RGS22: variants seen among roughly 807,000 people sequenced by gnomAD.
RGS22 encodes regulator of G-protein signaling 22.
RGS22 carries 148 observed loss-of-function variants against 172.9 expected under a neutral mutation model. That is an observed-to-expected ratio of 0.86 (90% CI 0.75 to 0.98). The LOEUF (loss-of-function observed/expected upper bound fraction) is 0.98, where lower values mean the gene tolerates loss of function less well. Among genes scored for constraint, RGS22 ranks in the 50% least tolerant of loss-of-function variants. The pLI is 0.00. For synonymous variants in RGS22, 458 were observed against 480.2 expected (o/e 0.95, Z 0.60); for missense variants, 1,347 against 1,440.8 (o/e 0.93, Z 1.05).
intron 6 of RGS22, among the ~76,000 whole-genome samples, chr8:100,069,918 C>T (rs938085465): frequency 1.3e-5 from 2 of 150,508 alleles, no homozygotes; most frequent in Non-Finnish European, 2.9e-5. Flanking sequence ...ATCCCAGCTA[C>T]TCGGAAGGCT....
intron 1 of RGS22, 175 bp downstream of exon 1, chr8:100,105,722 G>C (rs537398326): frequency 1.7e-6 from 1 of 574,866 alleles, no homozygotes; most frequent in African/African-American, 2.0e-5. Flanking sequence ...AGCATAAACC[G>C]GCGAGGACGT....
chr8:100,051,366 A>G (rs1316895592), intron 10 of RGS22, among the ~76,000 whole-genome samples: 2 of 141,332 alleles, frequency 1.4e-5, no homozygotes, highest in Admixed American at 7.6e-5. Context: ...AATTTTCAGA[A>G]GATGAGTGAC....
rs937179609 is a variant in RGS22 at position 99,987,066 on chromosome 8, T to C, written c.3180+392A>G. ...GTGTTTTAGATTTTGGATTCTTTTT[T>C]GGTTTTGGAATATTTGTATTATACC... On this transcript the variant is annotated intron_variant, in intron 21 of 27. Transcript: ENST00000360863. Among the ~76,000 whole-genome samples, 5 of 152,170 alleles carry C rather than the reference T, an allele frequency of 3.3e-5. 1 individual carries two copies. The highest frequency in any genetic ancestry group is 3.3e-4 in the Admixed American group (5 of 15,272).
Position 100,061,195 on chromosome 8 carries a change from C to G in RGS22, c.1514+1396G>C, listed in dbSNP as rs116877571. Among the ~76,000 whole-genome samples, 360 of 152,190 alleles carry G rather than the reference C, an allele frequency of 2.4e-3. 5 individuals are homozygous for G. The East Asian group carries it at 0.066, about 28-fold the overall frequency. On this transcript the variant is annotated intron_variant, in intron 9 of 27. Transcript: ENST00000360863. Reference sequence around the variant, plus strand: ...AAGACTTAAATGTAAAACTTAAAAGCTATAAAAACCATGGAAGACAACCTA... The same window carrying G: ...AAGACTTAAATGTAAAACTTAAAAGGTATAAAAACCATGGAAGACAACCTA...
At chr8:100,078,499 T>C (rs1326168465) in intron 4 of RGS22, among the ~76,000 whole-genome samples, 1 of 151,702 alleles carries the variant, frequency 6.6e-6, no homozygotes, top group Non-Finnish European at 1.5e-5. Context: ...ACTACTACCA[T>C]TTTCCTAGTT....
chr8:100,052,773 AG>A lies in RGS22; in HGVS notation c.1689+28del, dbSNP rs1821809807. 13 of 1,596,286 alleles carry A rather than the reference AG, an allele frequency of 8.1e-6. No individual in the cohort carries two copies. The East Asian group carries it at 2.9e-4, about 36-fold the overall frequency. ...ATACATATTTTACTACAAACTTAGT[AG>A]AGATCACAGCATGAATGTACACCCT... is the stretch of plus-strand genomic sequence containing the variant. On this transcript the variant is annotated intron_variant, in intron 10 of 27. Transcript: ENST00000360863.
At chr8:99,971,697 C>T (rs934527078) in intron 23 of RGS22, among the ~76,000 whole-genome samples, 4 of 152,108 alleles carry the variant, frequency 2.6e-5, no homozygotes, top group Non-Finnish European at 4.4e-5. Context: ...TCAAGGAGAA[C>T]TACAAACCAC....
At chr8:99,985,136 G>A (rs1812944738) in intron 21 of RGS22, among the ~76,000 whole-genome samples, 2 of 152,194 alleles carry the variant, frequency 1.3e-5, no homozygotes, top group Admixed American at 6.5e-5. Context: ...AGAATGACCT[G>A]ATTCAAAGTC....
chr8:100,094,608 C>T (rs998555651), intron 2 of RGS22, among the ~76,000 whole-genome samples: 1 of 152,134 alleles, frequency 6.6e-6, no homozygotes, highest in Non-Finnish European at 1.5e-5. Context: ...AAAATAACAA[C>T]AAACTAAGGA....
rs867455863 is a variant in RGS22 at position 100,071,847 on chromosome 8, C to T, written c.425+298G>A. Among the ~76,000 whole-genome samples, 3 of 152,212 alleles carry T rather than the reference C, an allele frequency of 2.0e-5. No homozygotes were observed. The East Asian group carries it at 5.8e-4, about 29-fold the overall frequency. On this transcript the variant is annotated intron_variant, in intron 5 of 27. Transcript: ENST00000360863. Reference sequence around the variant, plus strand: ...ACGGCATTCTATGTTTTTCGCGTCACACTAGTATTCATTGTTAAACGCCCT... The same window carrying T: ...ACGGCATTCTATGTTTTTCGCGTCATACTAGTATTCATTGTTAAACGCCCT...
chr8:99,998,412 C>G (rs1292247557), intron 19 of RGS22, among the ~76,000 whole-genome samples: 1 of 152,082 alleles, frequency 6.6e-6, no homozygotes, highest in Non-Finnish European at 1.5e-5. Context: ...GAGATTAAAA[C>G]TTGGCAGTCA....
At chr8:100,092,666 G>A (rs1197150644) in intron 3 of RGS22, among the ~76,000 whole-genome samples, 2 of 152,050 alleles carry the variant, frequency 1.3e-5, no homozygotes, top group Admixed American at 6.6e-5. Flanking sequence ...CTTGATCTTG[G>A]ACTTTTCAAC....
At chr8:100,046,589 G>A (rs1006819476) in intron 11 of RGS22, 4 of 149,130 alleles carry the variant, frequency 2.7e-5, no homozygotes, top group African/African-American at 9.9e-5. Flanking sequence ...TGGCAGAGAA[G>A]GTGATTTGGA....
chr8:99,983,421 A>C (rs1282874098), intron 21 of RGS22, among the ~76,000 whole-genome samples: 2 of 152,150 alleles, frequency 1.3e-5, no homozygotes, highest in African/African-American at 4.8e-5. Context: ...ATTCCCACCA[A>C]TAGTGTGCAA....
At chr8:100,077,397 A>C (rs1458446022) in intron 4 of RGS22, among the ~76,000 whole-genome samples, 1 of 152,178 alleles carries the variant, frequency 6.6e-6, no homozygotes, top group African/African-American at 2.4e-5. Context: ...TGTAAAGACC[A>C]ATTTAGTTGC....
intron 3 of RGS22, among the ~76,000 whole-genome samples, chr8:100,088,218 T>A (rs1451730684): frequency 6.6e-6 from 1 of 152,072 alleles, no homozygotes; most frequent in East Asian, 1.9e-4. Flanking sequence ...AAAGAAGTTA[T>A]GGTAAAATTT....
At chr8:100,100,602 T>C (rs894215435) in intron 2 of RGS22, among the ~76,000 whole-genome samples, 6 of 152,200 alleles carry the variant, frequency 3.9e-5, no homozygotes, top group Admixed American at 2.6e-4. Flanking sequence ...TTTCTGAATA[T>C]TTTCAATCCA....
At chr8:100,046,473 A>G (rs887797347) in intron 11 of RGS22, 2 of 151,428 alleles carry the variant, frequency 1.3e-5, no homozygotes, top group African/African-American at 2.4e-5. Context: ...TAGCAGATAC[A>G]TGTGCCTTCA....
intron 11 of RGS22, among the ~76,000 whole-genome samples, chr8:100,043,319 C>CT (rs1250195476): frequency 1.0e-5 from 1 of 99,980 alleles, no homozygotes; most frequent in African/African-American, 4.4e-5. Flanking sequence ...TTGAACCTGT[C>CT]CCTCTATTCT....
Sources: gnomAD v4.1 joint callset for allele counts (sites outside exome capture counted in the v4.1 genomes callset) on GRCh38, gnomAD v4.1.1 for gene constraint, MANE v1.5 for transcripts, NCBI Gene and HGNC (gene_info 2026-07-23, HGNC 2026-07-21) for gene names.